NPHS1: variants seen among roughly 807,000 people sequenced by gnomAD.
NPHS1 encodes NPHS1 adhesion molecule, nephrin.
Under a neutral mutation model 139.7 loss-of-function variants are expected in NPHS1, and 107 were observed. The observed-to-expected ratio is 0.77, with a 90% CI of 0.66 to 0.90. The LOEUF is 0.90. Ranked by LOEUF, NPHS1 falls within the 40% of genes least tolerant of loss-of-function variation. The pLI is 0.00. For synonymous variants in NPHS1, 707 were observed against 706.6 expected (o/e 1.00, Z -0.01); for missense variants, 1,580 against 1,654.2 (o/e 0.96, Z 0.78).
At position 35,831,150 on chromosome 19, in the gene NPHS1, T is replaced by C. The variant is rs753339493; in HGVS notation, c.3388-4A>G. The stretch of plus-strand genomic sequence containing the variant: ...GCTCTGCCTCTGTTGTGCTGACCTG[T>C]TCCCCACACGCAAAACAAACAAAGC... On this transcript the variant is annotated splice_polypyrimidine_tract_variant and splice_region_variant and intron_variant, in intron 26 of 28. Transcript: ENST00000378910. 1.9e-5 allele frequency: 30 copies of C among 1,613,682 alleles called. No homozygotes were observed. The East Asian group carries it at 6.2e-4, about 34-fold the overall frequency.
Position 35,848,287 on chromosome 19 carries a change from C to T in NPHS1, c.1281G>A (p.Glu427=). ...CEAFSEAFTK[E]TFKKSLILNV... ...TCAGGATGAGCGACTTCTTGAAGGTCTCCTTGGTGAAGGCTTCACTGAAGG... is the reference window on the plus strand; with the variant it reads ...TCAGGATGAGCGACTTCTTGAAGGTTTCCTTGGTGAAGGCTTCACTGAAGG... Residue 427 remains glutamate (E), a synonymous_variant, in exon 10 of 29, where the codon GAG becomes GAA. Transcript: ENST00000378910. The T allele has an allele frequency of 6.2e-7, 1 of 1,614,162 alleles. No homozygotes were observed.
At position 35,830,863 on chromosome 19, in the gene NPHS1, A is replaced by AG; in HGVS notation, c.3574dup (p.Leu1192ProfsTer4). ...TCTCACCATCTGCACTTCATCGTAG[A>AG]GGGGTCCCCAGGCTCCAGACGGGGG... is the stretch of plus-strand genomic sequence containing the variant. On this transcript the variant is annotated frameshift_variant, in exon 28 of 29. Transcript: ENST00000378910. LOFTEE classifies it high-confidence loss of function. The AG allele has an allele frequency of 6.2e-7, 1 of 1,610,418 alleles. No individual in the cohort carries two copies.
At chr19:35,849,518 C>T in intron 6 of NPHS1, 32 bp downstream of exon 6, 6 of 1,602,346 alleles carry the variant, frequency 3.7e-6, no homozygotes, top group South Asian at 1.1e-5. Context: ...TCCCCATCCT[C>T]AGCGCCCTAG....
chr19:35,845,791 T>G lies in NPHS1; in HGVS notation c.1635A>C (p.Pro545=). The G allele has an allele frequency of 1.9e-6, 3 of 1,612,434 alleles. No homozygotes were observed. The highest frequency in any genetic ancestry group is 2.5e-6 in the Non-Finnish European group (3 of 1,178,728). ...ASTQLAVQFP[P]TNVTILANAS... is the part of the protein sequence containing the mutation. ...CGTTGGCCAGGATCGTCACGTTAGT[T>G]GGGGGAACTGGGAGACGGGGTTGGA... The change falls in exon 13 of 29, where the codon CCA becomes CCC. Residue 545 remains proline, a synonymous_variant. Transcript: ENST00000378910. This position sits in a 1 kb window ranked among gnomAD's most constrained non-coding sequence, Gnocchi z 5.5.
At position 35,851,527 on chromosome 19, in the gene NPHS1, C is replaced by T. The variant is rs2146832516; in HGVS notation, c.204G>A (p.Gly68=). The T allele has an allele frequency of 1.9e-6, 3 of 1,613,778 alleles. No homozygotes were observed. Among genetic ancestry groups the T allele is most frequent in the Non-Finnish European group, 2.5e-6 (3 of 1,179,992 alleles). The change falls in exon 2 of 29, where the codon GGG becomes GGA. Residue 68 remains glycine, a synonymous_variant. Transcript: ENST00000378910. ...TCCTGGGGTCGGGGCCCAGGAGCAG[C>T]CCATCTTTGGCCCATTGCACCGCAC... ...PGSAVQWAKD[G]LLLGPDPRIP...
At chr19:35,849,446 G>A in intron 6 of NPHS1, 83 bp from the exon 7 acceptor site, 1 of 1,596,348 alleles carries the variant, frequency 6.3e-7, no homozygotes, top group East Asian at 2.2e-5. Context: ...GAACCCCCAT[G>A]TTTCTCTGAG....
At position 35,845,184 on chromosome 19, in the gene NPHS1, C is replaced by A. The variant is rs1973117179; in HGVS notation, c.1930+184G>T. 6.6e-6 allele frequency among the ~76,000 whole-genome samples: 1 copy of A among 152,102 alleles called. No individual in the cohort carries two copies. The highest frequency in any genetic ancestry group is 1.5e-5 in the Non-Finnish European group (1 of 68,032). On this transcript the variant is annotated intron_variant, in intron 14 of 28. Coordinates refer to ENST00000378910, the MANE Select transcript of NPHS1 (RefSeq NM_004646.4). The surrounding 1 kb of genome is among the most constrained non-coding windows in gnomAD (Gnocchi z 5.5). ...ACTCGGGAGGCTGAGGTGGGAGTATCACTTGAGCTCAGGAGTTGGAGACTG... is the reference window on the plus strand; with the variant it reads ...ACTCGGGAGGCTGAGGTGGGAGTATAACTTGAGCTCAGGAGTTGGAGACTG...
intron 23 of NPHS1, among the ~76,000 whole-genome samples, chr19:35,834,904 A>T (rs560972203): frequency 3.1e-5 from 4 of 129,376 alleles, no homozygotes; most frequent in East Asian, 2.2e-4. Context: ...ATAAAAAAAT[A>T]AAAAAAAAAA....
intron 17 of NPHS1, 65 bp from the exon 18 acceptor site, chr19:35,842,615 G>T: frequency 2.0e-6 from 3 of 1,527,894 alleles, no homozygotes; most frequent in Non-Finnish European, 2.7e-6. Flanking sequence ...TGCCCAAATT[G>T]TCCCTTCTGT....
Position 35,852,097 on chromosome 19 carries a change from CTTTTTTTTT to C in NPHS1, c.-269_-261del, listed in dbSNP as rs10566018. On this transcript the variant is annotated 5_prime_UTR_variant, in exon 1 of 29. Coordinates refer to ENST00000378910, the MANE Select transcript of NPHS1 (RefSeq NM_004646.4). ...TTTTTTTCTTTTTTCTTTTTTTTTT[CTTTTTTTTT>C]TTTTTAGAGACGGGGTCTCACTATG... Among the ~76,000 whole-genome samples, 1 of 121,606 alleles carries C rather than the reference CTTTTTTTTT, an allele frequency of 8.2e-6. No individual in the cohort carries two copies. The highest frequency in any genetic ancestry group is 1.8e-5 in the Non-Finnish European group (1 of 56,074). The allele number at this position is 121,606 out of a possible 152,430, so 79.8% of individuals were successfully genotyped here.
chr19:35,839,579 C>G lies in NPHS1; in HGVS notation c.2844G>C (p.Lys948Asn), dbSNP rs759250005. The G allele has an allele frequency of 6.2e-7, 1 of 1,614,188 alleles. No individual in the cohort carries two copies. Among genetic ancestry groups the G allele is most frequent in the South Asian group, 1.1e-5 (1 of 91,076 alleles). ...ISRPDPPSGL[K>N]VVSLTPHSVG... ...CGGAGTGTGGGGTCAGACTCACAAC[C>G]TTTAATCCTGATGGAGGGTCAGGGC... Residue 948 changes from lysine (K) to asparagine (N), a missense_variant, in exon 21 of 29, where the codon AAG becomes AAC. Transcript: ENST00000378910.
chr19:35,828,840 G>GA (rs1420236718), intron 28 of NPHS1, among the ~76,000 whole-genome samples: 3 of 152,232 alleles, frequency 2.0e-5, no homozygotes, highest in Admixed American at 1.3e-4. Flanking sequence ...CTACGCTTTA[G>GA]AGAGTGCATA....
intron 24 of NPHS1, 37 bp downstream of exon 24, chr19:35,831,606 C>T (rs761473409): frequency 1.2e-6 from 2 of 1,613,070 alleles, no homozygotes; most frequent in Non-Finnish European, 1.7e-6. Context: ...CTATCACCCT[C>T]GGGTCTCCAC....
intron 22 of NPHS1, among the ~76,000 whole-genome samples, chr19:35,837,663 C>T (rs2146814504): frequency 6.6e-6 from 1 of 152,012 alleles, no homozygotes; most frequent in South Asian, 2.1e-4. Flanking sequence ...AGTACAATGG[C>T]ACCATCTCTG....
At chr19:35,832,951 C>T (rs1230831265) in intron 23 of NPHS1, among the ~76,000 whole-genome samples, 1 of 146,074 alleles carries the variant, frequency 6.8e-6, no homozygotes, top group Non-Finnish European at 1.5e-5. Flanking sequence ...GTGGCATGAT[C>T]TTGGCTCACT....
chr19:35,836,815 T>C (rs1972968035), intron 22 of NPHS1, among the ~76,000 whole-genome samples: 1 of 151,452 alleles, frequency 6.6e-6, no homozygotes, highest in Non-Finnish European at 1.5e-5. Context: ...GCCAACATGG[T>C]GAAACCCTGT....
chr19:35,831,830 G>A (rs536854476), intron 23 of NPHS1, 68 bp from the exon 24 acceptor site: 25 of 1,513,098 alleles, frequency 1.7e-5, no homozygotes, highest in African/African-American at 1.1e-4. Context: ...GGGTCTCCCC[G>A]AGAAAGTGTA....
rs758230289 is a variant in NPHS1, at chr19:35,830,920, C to A, written c.3518G>T (p.Gly1173Val). The part of the protein sequence containing the change: ...TGEDEDMAFP[G>V]HLYDEVERTY... ...TCTTTCTACCTCATCATACAAGTGC[C>A]CAGGGAAGGCCATATCCTCATCTTC... Residue 1173 changes from glycine (G) to valine (V), a missense_variant, in exon 28 of 29, where the codon GGG (glycine) becomes GTG (valine). Coordinates refer to ENST00000378910, the MANE Select transcript of NPHS1 (RefSeq NM_004646.4). The A allele has an allele frequency of 3.1e-6, 5 of 1,613,908 alleles. No individual in the cohort carries two copies. The South Asian group carries it at 5.5e-5, about 18-fold the overall frequency.
Position 35,826,343 on chromosome 19 carries a change from TG to T in NPHS1, c.*170del. 1 of 713,192 alleles carries T rather than the reference TG, an allele frequency of 1.4e-6. No individual in the cohort carries two copies. Among genetic ancestry groups the T allele is most frequent in the Non-Finnish European group, 2.4e-6 (1 of 418,140 alleles). The allele number at this position is 713,192 out of a possible 1,614,324, so 44.2% of individuals were successfully genotyped here. On this transcript the variant is annotated 3_prime_UTR_variant, in exon 29 of 29. Transcript: ENST00000378910. ...CCCAGGATGCACCTTGTTTCTACTCTGGTACCAGCTGAACCATCTCTGTCAC... is the reference window on the plus strand; with the variant it reads ...CCCAGGATGCACCTTGTTTCTACTCTGTACCAGCTGAACCATCTCTGTCAC...
Sources: allele counts gnomAD v4.1 joint callset (sites outside exome capture counted in the v4.1 genomes callset), GRCh38; gene constraint gnomAD v4.1.1; non-coding constraint Gnocchi (gnomAD v3.1); transcripts MANE v1.5; gene names NCBI Gene and HGNC (gene_info 2026-07-23, HGNC 2026-07-21).